CHRNA7: variants seen among roughly 807,000 people sequenced by gnomAD.
CHRNA7 encodes the protein cholinergic receptor nicotinic alpha 7 subunit, also known as neuronal acetylcholine receptor subunit alpha-7.
Under a neutral mutation model 48.0 loss-of-function variants are expected in CHRNA7, and 17 were observed. The observed-to-expected ratio is 0.35, with a 90% CI of 0.24 to 0.53. The LOEUF is 0.53. Ranked by LOEUF, CHRNA7 falls within the 20% of genes least tolerant of loss-of-function variation. CHRNA7 has a pLI of 0.92. For missense variants in CHRNA7, 155 were observed against 577.7 expected (o/e 0.27, Z 7.50); for synonymous variants, 75 against 242.3 (o/e 0.31, Z 6.41).
intron 2 of CHRNA7, among the ~76,000 whole-genome samples, chr15:32,087,859 C>A (rs1180019951): frequency 6.6e-6 from 1 of 152,186 alleles, no homozygotes; most frequent in African/African-American, 2.4e-5. Context: ...TTCTCCCAGT[C>A]ACGTCAGTAA....
chr15:32,166,246 C>G (rs1258941816), intron 9 of CHRNA7: 1 of 152,276 alleles, frequency 6.6e-6, no homozygotes, highest in African/African-American at 2.4e-5. Context: ...CTCATTTCAC[C>G]GGACCCTGAA....
intron 2 of CHRNA7, among the ~76,000 whole-genome samples, chr15:32,039,975 C>T (rs1027992000): frequency 6.6e-6 from 1 of 152,066 alleles, no homozygotes; most frequent in African/African-American, 2.4e-5. Flanking sequence ...TTTTGTAGAA[C>T]TGGTCTTTTT....
chr15:32,083,238 G>T (rs1011125901), intron 2 of CHRNA7, among the ~76,000 whole-genome samples: 1 of 152,006 alleles, frequency 6.6e-6, no homozygotes, highest in Non-Finnish European at 1.5e-5. Flanking sequence ...TGTGAGAGGG[G>T]GAGATAAATT....
intron 4 of CHRNA7, among the ~76,000 whole-genome samples, chr15:32,120,141 G>A (rs937577315): frequency 6.6e-6 from 1 of 152,188 alleles, no homozygotes; most frequent in African/African-American, 2.4e-5. Context: ...TCTCAGGGCG[G>A]GAAGCTGGTG....
chr15:32,044,550 A>C (rs2049506493), intron 2 of CHRNA7, among the ~76,000 whole-genome samples: 1 of 152,204 alleles, frequency 6.6e-6, no homozygotes, highest in South Asian at 2.1e-4. Context: ...TGCTGGGATT[A>C]CAGGCGTGAG....
intron 4 of CHRNA7, among the ~76,000 whole-genome samples, chr15:32,118,274 A>G (rs1010079013): frequency 1.3e-5 from 2 of 152,228 alleles, no homozygotes; most frequent in Non-Finnish European, 2.9e-5. Context: ...CCCAGCATCC[A>G]TACTGTAAGA....
chr15:32,114,077 C>CATATATATATAT (rs781409368), intron 4 of CHRNA7, among the ~76,000 whole-genome samples: 91 of 93,812 alleles, frequency 9.7e-4, no homozygotes, highest in Non-Finnish European at 1.3e-3. Flanking sequence ...TATATATATA[C>CATATATATATAT]ACATACATAC....
At chr15:32,136,497 CAAA>C (rs34839510) in intron 4 of CHRNA7, among the ~76,000 whole-genome samples, 11,845 of 110,264 alleles carry the variant, frequency 0.11, 1,697 homozygotes, top group African/African-American at 0.34. Context: ...GACTCCATCT[CAAA>C]AAAAAAAAAA....
intron 4 of CHRNA7, among the ~76,000 whole-genome samples, chr15:32,142,704 A>T (rs1162502235): frequency 6.6e-6 from 1 of 152,142 alleles, no homozygotes; most frequent in African/African-American, 2.4e-5. Context: ...GTTTATTTGT[A>T]TAGAGGTGTT....
intron 2 of CHRNA7, among the ~76,000 whole-genome samples, chr15:32,092,574 G>A (rs879896062): frequency 4.6e-5 from 7 of 151,934 alleles, no homozygotes; most frequent in South Asian, 2.1e-4. Flanking sequence ...TGCCTCATTC[G>A]TATTTTCTGT....
rs145393338 is a variant in CHRNA7, at chr15:32,042,054, A to T, written c.195+11017A>T. On this transcript the variant is annotated intron_variant, in intron 2 of 9. Transcript: ENST00000306901. Reference sequence around the variant, plus strand: ...GTTTTTTGTTTGTTTTTTGCCTTTTAGTATGCTTTGTAATTTTTTCTTGAT... The same window carrying T: ...GTTTTTTGTTTGTTTTTTGCCTTTTTGTATGCTTTGTAATTTTTTCTTGAT... Among the ~76,000 whole-genome samples the T allele has an allele frequency of 6.7e-3, 1,021 of 152,096 alleles. 21 individuals are homozygous for T. The highest frequency in any genetic ancestry group is 0.023 in the African/African-American group (966 of 41,476).
intron 2 of CHRNA7, among the ~76,000 whole-genome samples, chr15:32,061,280 C>T (rs2049874351): frequency 6.6e-6 from 1 of 152,076 alleles, no homozygotes; most frequent in Admixed American, 6.5e-5. Context: ...GTAGTGGCAA[C>T]AGAAGAGGAG....
chr15:32,149,302 G>A lies in CHRNA7; in HGVS notation c.351-4605G>A, dbSNP rs1290145644. ...CCTGTTTCCACGGTTATGGGTGTTT[G>A]CCAGCACAGGGCTGCCCAGCACTGG... is the stretch of plus-strand genomic sequence containing the variant. On this transcript the variant is annotated intron_variant, in intron 4 of 9. Coordinates refer to ENST00000306901, the MANE Select transcript of CHRNA7 (RefSeq NM_000746.6). This position sits in a 1 kb window ranked among gnomAD's most constrained non-coding sequence, Gnocchi z 4.6. 1.3e-5 allele frequency among the ~76,000 whole-genome samples: 2 copies of A among 152,204 alleles called. No homozygotes were observed. The highest frequency in any genetic ancestry group is 2.9e-5 in the Non-Finnish European group (2 of 68,050).
chr15:32,148,771 G>A (rs1203855221), intron 4 of CHRNA7, among the ~76,000 whole-genome samples: 1 of 152,222 alleles, frequency 6.6e-6, no homozygotes, highest in Admixed American at 6.5e-5. Flanking sequence ...CATGGTGTAA[G>A]CAAACACCAT....
intron 3 of CHRNA7, chr15:32,102,365 T>C (rs1394290059): frequency 6.6e-6 from 1 of 152,080 alleles, no homozygotes; most frequent in Non-Finnish European, 1.5e-5. Flanking sequence ...AGGCTGGTCT[T>C]GAACTCCTGA....
intron 2 of CHRNA7, among the ~76,000 whole-genome samples, chr15:32,082,096 G>A (rs2050225387): frequency 6.6e-6 from 1 of 152,050 alleles, no homozygotes; most frequent in Admixed American, 6.6e-5. Context: ...TTGCAGTATA[G>A]GTAATGTGTC....
chr15:32,135,956 A>G (rs1402305045), intron 4 of CHRNA7, among the ~76,000 whole-genome samples: 1 of 152,208 alleles, frequency 6.6e-6, no homozygotes, highest in East Asian at 1.9e-4. Flanking sequence ...ATAATTGTCA[A>G]CCTAGAGTTT....
At chr15:32,113,725 A>T (rs988960227) in intron 4 of CHRNA7, among the ~76,000 whole-genome samples, 1 of 152,146 alleles carries the variant, frequency 6.6e-6, no homozygotes, top group African/African-American at 2.4e-5. Context: ...TTAGAACAAG[A>T]TGGTAATTTA....
intron 2 of CHRNA7, among the ~76,000 whole-genome samples, chr15:32,066,617 A>T (rs2049971411): frequency 6.6e-6 from 1 of 152,226 alleles, no homozygotes; most frequent in African/African-American, 2.4e-5. Flanking sequence ...TTCAAAAAAT[A>T]TATGTATGAG....
Sources: allele counts gnomAD v4.1 joint callset (sites outside exome capture counted in the v4.1 genomes callset), GRCh38; gene constraint gnomAD v4.1.1; non-coding constraint Gnocchi (gnomAD v3.1); transcripts MANE v1.5; gene names NCBI Gene and HGNC (gene_info 2026-07-23, HGNC 2026-07-21).